The following EYA1 variants were observed in gnomAD, a reference collection of about 807,000 sequenced individuals.
EYA1 encodes protein phosphatase EYA1.
EYA1 carries 16 observed loss-of-function variants against 82.0 expected under a neutral mutation model. The observed-to-expected ratio is 0.20, with a 90% confidence interval of 0.13 to 0.30. The LOEUF is 0.30. EYA1 is among the 10% of genes least tolerant of loss of function. EYA1 has a pLI of 1.00. For missense variants in EYA1, 633 were observed against 730.7 expected, an observed-to-expected ratio of 0.87 and a Z score of 1.54; for synonymous variants, 261 against 264.4, an observed-to-expected ratio of 0.99 and a Z score of 0.12.
At chr8:71,240,226 C>T (rs980653466) in intron 12 of EYA1, among the ~76,000 whole-genome samples, 1 of 151,546 alleles carries the variant, frequency 6.6e-6, no homozygotes, top group Non-Finnish European at 1.5e-5. Context: ...CTGGACTCAT[C>T]AAACTCATAC....
chr8:71,412,367 C>G (rs1278742381), intron 2 of EYA1, among the ~76,000 whole-genome samples: 2 of 145,338 alleles, frequency 1.4e-5, no homozygotes, highest in East Asian at 2.0e-4. Context: ...TACCCTAAAA[C>G]TTAAAGTATA....
intron 2 of EYA1, among the ~76,000 whole-genome samples, chr8:71,375,065 C>T (rs1174644713): frequency 6.6e-6 from 1 of 152,050 alleles, no homozygotes; most frequent in East Asian, 1.9e-4. Flanking sequence ...CAAGTCTAGA[C>T]ATCTAGTGTA....
chr8:71,489,070 G>A (rs944280096), intron 2 of EYA1, among the ~76,000 whole-genome samples: 4 of 152,140 alleles, frequency 2.6e-5, no homozygotes, highest in African/African-American at 4.8e-5. Context: ...TAGGGTTCAC[G>A]CCAGGAAAGC....
intron 17 of EYA1, among the ~76,000 whole-genome samples, chr8:71,207,711 T>C (rs528844029): frequency 1.4e-4 from 21 of 152,318 alleles, no homozygotes; most frequent in African/African-American, 4.8e-4. Context: ...TAAGCCATTC[T>C]ATATTTAATT....
At chr8:71,475,087 A>G (rs1809547188) in intron 2 of EYA1, among the ~76,000 whole-genome samples, 1 of 152,188 alleles carries the variant, frequency 6.6e-6, no homozygotes, top group Admixed American at 6.6e-5. Context: ...AGCCGAGATC[A>G]TACATTGCAC....
intron 9 of EYA1, among the ~76,000 whole-genome samples, chr8:71,297,412 T>A (rs1258211291): frequency 6.6e-6 from 1 of 151,906 alleles, no homozygotes; most frequent in African/African-American, 2.4e-5. Context: ...CACAATTAAG[T>A]CTTCAACAGT....
intron 12 of EYA1, among the ~76,000 whole-genome samples, chr8:71,242,643 AC>A (rs2128900640): frequency 6.6e-6 from 1 of 152,252 alleles, no homozygotes; most frequent in East Asian, 1.9e-4. Flanking sequence ...ACGTCAATAA[AC>A]AAAAATCTGA....
intron 17 of EYA1, among the ~76,000 whole-genome samples, chr8:71,206,350 T>G (rs987865036): frequency 1.3e-5 from 2 of 152,170 alleles, no homozygotes; most frequent in Admixed American, 1.3e-4. Flanking sequence ...GCCTCTCCAG[T>G]AGCTTAGGAC....
chr8:71,217,123 T>C (rs1809314902), intron 12 of EYA1, 100 bp from the exon 13 acceptor site: 1 of 873,822 alleles, frequency 1.1e-6, no homozygotes, highest in Admixed American at 1.9e-5. Flanking sequence ...AGCACCTTAA[T>C]TGGAGGATTT....
At chr8:71,331,259 C>T (rs978830543) in intron 4 of EYA1, among the ~76,000 whole-genome samples, 8 of 92,680 alleles carry the variant, frequency 8.6e-5, no homozygotes, top group East Asian at 1.6e-3. Flanking sequence ...CACACACACA[C>T]ACACACACAC....
chr8:71,534,393 G>A (rs775450957), intron 2 of EYA1, among the ~76,000 whole-genome samples: 9 of 152,192 alleles, frequency 5.9e-5, no homozygotes, highest in Non-Finnish European at 1.2e-4. Context: ...TGCTTTATGT[G>A]AATTATCTCA....
At chr8:71,225,089 C>A (rs1218931355) in intron 12 of EYA1, 3 of 282,530 alleles carry the variant, frequency 1.1e-5, no homozygotes, top group East Asian at 9.8e-5. Context: ...CATGTTTTTA[C>A]TTGCGTGTTT....
At chr8:71,381,136 C>T (rs1319941511) in intron 2 of EYA1, among the ~76,000 whole-genome samples, 1 of 152,240 alleles carries the variant, frequency 6.6e-6, no homozygotes, top group Admixed American at 6.5e-5. Context: ...CCTCCACAGT[C>T]TAGATCTGGT....
At chr8:71,200,591 A>C (rs1415480034) in intron 17 of EYA1, among the ~76,000 whole-genome samples, 1 of 152,214 alleles carries the variant, frequency 6.6e-6, no homozygotes, top group Non-Finnish European at 1.5e-5. Flanking sequence ...AATAGTCCAG[A>C]AATTAGTACT....
intron 2 of EYA1, among the ~76,000 whole-genome samples, chr8:71,423,254 A>C (rs1831242840): frequency 2.0e-5 from 3 of 152,222 alleles, no homozygotes; most frequent in Non-Finnish European, 4.4e-5. Context: ...ATTGAATGTA[A>C]ATCTCAAAGA....
intron 2 of EYA1, among the ~76,000 whole-genome samples, chr8:71,469,323 G>A (rs915052974): frequency 2.0e-5 from 3 of 152,064 alleles, no homozygotes; most frequent in Non-Finnish European, 4.4e-5. Context: ...AGTCAAAGGT[G>A]TATGCAAGCC....
rs1806403222 is a variant in EYA1, at chr8:71,197,641, C to A, written c.*1699G>T. On this transcript the variant is annotated 3_prime_UTR_variant, in exon 18 of 18. Coordinates refer to ENST00000340726, the MANE Select transcript of EYA1 (RefSeq NM_000503.6). ...AGCAAAAAGGAAGAAAAAACTAATTCAATTGTGAATTTAAACAATTTGGAT... is the reference window on the plus strand; with the variant it reads ...AGCAAAAAGGAAGAAAAAACTAATTAAATTGTGAATTTAAACAATTTGGAT... 6.6e-6 allele frequency: 1 copy of A among 152,628 alleles called. No individual in the cohort carries two copies. The highest frequency in any genetic ancestry group is 2.4e-5 in the African/African-American group (1 of 41,430). 9.5% of individuals were successfully genotyped at this position (152,628 alleles called of 1,614,324 possible).
At chr8:71,525,390 C>T (rs1813731506) in intron 2 of EYA1, among the ~76,000 whole-genome samples, 1 of 152,072 alleles carries the variant, frequency 6.6e-6, no homozygotes, top group African/African-American at 2.4e-5. Context: ...AAGGAAATTT[C>T]ATGAATTCCT....
At position 71,215,618 on chromosome 8, in the gene EYA1, A is replaced by C; in HGVS notation, c.1471T>G (p.Ser491Ala). 1 of 1,613,714 alleles carries C rather than the reference A, an allele frequency of 6.2e-7. No homozygotes were observed. The highest frequency in any genetic ancestry group is 1.3e-5 in the African/African-American group (1 of 75,030). ...LALKALSLIH[S>A]RTNCVNILVT... ...AGACCCCGCAGAGAGCCTCACCGGGAGTGAATGAGCGAGAGTGCTTTCAGG... is the reference window on the plus strand; with the variant it reads ...AGACCCCGCAGAGAGCCTCACCGGGCGTGAATGAGCGAGAGTGCTTTCAGG... Residue 491 changes from serine to alanine, a missense_variant, in exon 15 of 18, where the codon TCC becomes GCC. By Grantham distance (99) the Ser-to-Ala change is moderately conservative (BLOSUM62 1). Transcript: ENST00000340726.
Sources: gnomAD v4.1 joint callset for allele counts (sites outside exome capture counted in the v4.1 genomes callset) on GRCh38, gnomAD v4.1.1 for gene constraint, MANE v1.5 for transcripts, NCBI Gene and HGNC (gene_info 2026-07-23, HGNC 2026-07-21) for gene names.